The following VSTM2A variants were observed in gnomAD, a reference collection of about 807,000 sequenced individuals.
The protein encoded by VSTM2A is V-set and transmembrane domain-containing protein 2A.
In VSTM2A, 13 loss-of-function variants were observed where a neutral mutation model predicts 27.3. That is an observed-to-expected ratio of 0.48 (90% confidence interval 0.31 to 0.76). The LOEUF (loss-of-function observed/expected upper bound fraction) is 0.76, where lower values mean the gene tolerates loss of function less well. VSTM2A is among the 30% of genes least tolerant of loss of function. The pLI is 0.05. For synonymous variants in VSTM2A, 142 were observed against 125.7 expected (o/e 1.13, Z -0.87); for missense variants, 280 against 310.0 (o/e 0.90, Z 0.73).
chr7:54,568,559 A>G (rs955814633), intron 4 of VSTM2A, among the ~76,000 whole-genome samples: 5 of 152,086 alleles, frequency 3.3e-5, no homozygotes, highest in African/African-American at 1.2e-4. Context: ...ATAAAAGTAA[A>G]TGCCCAAATG....
Position 54,544,710 on chromosome 7 carries a change from G to A in VSTM2A, c.168G>A (p.Ser56=), listed in dbSNP as rs1229335101. 6 of 1,612,762 alleles carry A rather than the reference G, an allele frequency of 3.7e-6. 1 individual carries two copies. Among genetic ancestry groups the A allele is most frequent in the South Asian group, 2.2e-5 (2 of 91,082 alleles). Residue 56 remains serine, a synonymous_variant, in exon 2 of 5, where the codon TCG becomes TCA. Transcript: ENST00000402613. The part of the protein sequence containing the change: ...MSCAFQSGSA[S]VYLEIQWWFL... ...GCGCCTTCCAGAGCGGCTCCGCCTC[G>A]GTGTATCTGGAGATCCAATGGTGGT...
intron 4 of VSTM2A, among the ~76,000 whole-genome samples, chr7:54,554,568 T>C (rs1193871398): frequency 6.6e-6 from 1 of 152,220 alleles, no homozygotes; most frequent in Non-Finnish European, 1.5e-5. Flanking sequence ...CCCCTGAGCA[T>C]AGGCTGGCCT....
intron 4 of VSTM2A, chr7:54,554,089 C>A: frequency 6.4e-7 from 1 of 1,550,942 alleles, no homozygotes; most frequent in Non-Finnish European, 8.7e-7. Context: ...TTGCCCAGGT[C>A]GCTCGCACTC....
chr7:54,566,935 A>C (rs1788743968), intron 4 of VSTM2A, among the ~76,000 whole-genome samples: 1 of 152,200 alleles, frequency 6.6e-6, no homozygotes, highest in South Asian at 2.1e-4. Flanking sequence ...GTTTGATAAG[A>C]AGTAATGGCA....
chr7:54,546,059 A>G (rs1375585954), intron 2 of VSTM2A: 46 of 112,796 alleles, frequency 4.1e-4, no homozygotes, highest in Non-Finnish European at 4.1e-4. Context: ...GAAGGGAGAG[A>G]GGGAAGGAGA....
In VSTM2A at chr7:54,569,198, C is replaced by T. The variant is rs1181904940; in HGVS notation, c.702C>T (p.His234=). The T allele has an allele frequency of 5.8e-6, 9 of 1,551,554 alleles. No homozygotes were observed. The Admixed American group carries it at 1.8e-4, about 30-fold the overall frequency. Residue 234 remains histidine, a synonymous_variant, in exon 5 of 5, where the codon CAC becomes CAT. Coordinates refer to ENST00000402613, the MANE Select transcript of VSTM2A (RefSeq NM_001301009.2). The stretch of plus-strand genomic sequence containing the variant: ...AGTTGACCCTAAACTCCAAGCACCA[C>T]CCTGCACCCACTGTACTCTAATTCA... The part of the protein sequence containing the change: ...TAKLTLNSKH[H]PAPTVL
intron 2 of VSTM2A, chr7:54,546,637 G>A: frequency 5.1e-6 from 1 of 195,702 alleles, no homozygotes; most frequent in South Asian, 1.7e-4. Flanking sequence ...GGCGGCTCCC[G>A]GCCCCGCCTC....
intron 3 of VSTM2A, 148 bp downstream of exon 3, chr7:54,547,145 G>A: frequency 1.3e-6 from 1 of 765,838 alleles, no homozygotes; most frequent in Admixed American, 3.6e-5. Context: ...ACAAATGGAA[G>A]CACATTTAGA....
chr7:54,544,588 G>A (rs1787881798), intron 1 of VSTM2A, 34 bp from the exon 2 acceptor site: 2 of 1,612,416 alleles, frequency 1.2e-6, no homozygotes, highest in Non-Finnish European at 1.7e-6. Context: ...AGAGGGGTGT[G>A]GATATTCCAA....
At chr7:54,546,802 G>GCT (rs1788006865) in intron 2 of VSTM2A, 145 bp from the exon 3 acceptor site, 8 of 913,740 alleles carry the variant, frequency 8.8e-6, no homozygotes, top group Non-Finnish European at 1.3e-5. Flanking sequence ...TCTGGGCCTG[G>GCT]ACAGGGGTGG....
At chr7:54,546,434 G>C (rs1308364925) in intron 2 of VSTM2A, among the ~76,000 whole-genome samples, 1 of 151,886 alleles carries the variant, frequency 6.6e-6, no homozygotes, top group Non-Finnish European at 1.5e-5. Context: ...CCAGGAGCGC[G>C]GGGCGGGACG....
chr7:54,564,391 A>G (rs933042827), intron 4 of VSTM2A, among the ~76,000 whole-genome samples: 1 of 152,202 alleles, frequency 6.6e-6, no homozygotes, highest in African/African-American at 2.4e-5. Context: ...CTGATCAGGA[A>G]TCACGCCTAA....
intron 4 of VSTM2A, chr7:54,558,280 A>G (rs991545233): frequency 6.6e-6 from 1 of 152,208 alleles, no homozygotes; most frequent in African/African-American, 2.4e-5. Context: ...CCTTAAAAAG[A>G]GACAAAAATA....
intron 4 of VSTM2A, among the ~76,000 whole-genome samples, chr7:54,568,288 C>A (rs1788784181): frequency 6.6e-6 from 1 of 152,096 alleles, no homozygotes; most frequent in South Asian, 2.1e-4. Flanking sequence ...CACACTTACC[C>A]CCTTCGAACA....
chr7:54,543,230 A>T (rs1187977347), intron 1 of VSTM2A, among the ~76,000 whole-genome samples: 1 of 152,100 alleles, frequency 6.6e-6, no homozygotes, highest in African/African-American at 2.4e-5. Flanking sequence ...TCCCTTTTGT[A>T]GGTCCGTGTG....
In VSTM2A at chr7:54,542,711, G is replaced by A. The variant is rs1414494026; in HGVS notation, c.-20G>A. On this transcript the variant is annotated 5_prime_UTR_variant, in exon 1 of 5. It removes the in-frame stop codon of an upstream open reading frame in the 5' UTR. Transcript: ENST00000402613. The stretch of plus-strand genomic sequence containing the variant: ...TTTCGGCTGTTGGCTACACTGATGT[G>A]ACCCCCCTCCCTTTTTGGAATGATG... 1 of 1,612,280 alleles carries A rather than the reference G, an allele frequency of 6.2e-7. No individual in the cohort carries two copies. Among genetic ancestry groups the A allele is most frequent in the African/African-American group, 1.3e-5 (1 of 74,838 alleles).
chr7:54,547,864 A>C (rs1006694375), intron 3 of VSTM2A, among the ~76,000 whole-genome samples: 1 of 152,198 alleles, frequency 6.6e-6, no homozygotes, highest in Non-Finnish European at 1.5e-5. Context: ...TTGGAGTTAC[A>C]TCATAACTAA....
chr7:54,560,130 A>G (rs1479574947), intron 4 of VSTM2A, among the ~76,000 whole-genome samples: 1 of 150,102 alleles, frequency 6.7e-6, no homozygotes, highest in Non-Finnish European at 1.5e-5. Context: ...AAATTAGCAA[A>G]CACATAAAAT....
chr7:54,550,220 A>G, intron 4 of VSTM2A, 50 bp downstream of exon 4: 1 of 1,555,562 alleles, frequency 6.4e-7, no homozygotes, highest in Admixed American at 2.0e-5. Context: ...CAAACGCTCC[A>G]CAGAAAGGTC....
Sources: allele counts gnomAD v4.1 joint callset (sites outside exome capture counted in the v4.1 genomes callset), GRCh38; gene constraint gnomAD v4.1.1; transcripts MANE v1.5; gene names NCBI Gene and HGNC (gene_info 2026-07-23, HGNC 2026-07-21).